The following MAP3K3 variants were observed in gnomAD, a reference collection of about 807,000 sequenced individuals.
MAP3K3 encodes the protein mitogen-activated protein kinase kinase kinase 3.
Under a neutral mutation model 80.9 loss-of-function variants are expected in MAP3K3, and 12 were observed. The observed-to-expected ratio is 0.15, with a 90% CI of 0.10 to 0.24. The LOEUF is 0.24. MAP3K3 is among the 10% of genes least tolerant of loss of function. MAP3K3 has a pLI of 1.00. For missense variants in MAP3K3, 596 were observed against 834.7 expected, an observed-to-expected ratio of 0.71 and a Z score of 3.52; for synonymous variants, 272 against 307.1, an observed-to-expected ratio of 0.89 and a Z score of 1.19.
intron 1 of MAP3K3, among the ~76,000 whole-genome samples, chr17:63,629,313 C>T (rs1436648597): frequency 1.3e-5 from 2 of 152,026 alleles, no homozygotes; most frequent in African/African-American, 2.4e-5. Context: ...TTAGTAGAGA[C>T]GGGGTTTCAC....
chr17:63,688,792 G>A lies in MAP3K3; in HGVS notation c.782G>A (p.Arg261Gln), dbSNP rs371194292. The A allele has an allele frequency of 1.9e-6, 3 of 1,612,114 alleles. No homozygotes were observed. Among genetic ancestry groups the A allele is most frequent in the Non-Finnish European group, 2.5e-6 (3 of 1,178,240 alleles). The change falls in exon 10 of 16, where the codon CGG becomes CAG. Residue 261 changes from arginine to glutamine, a missense_variant. Physicochemically the swap from Arg to Gln is conservative, Grantham distance 43. Transcript: ENST00000361733. ...FPDNRQEYSD[R>Q]ETQLYDKGVK... is the part of the protein sequence containing the mutation. ...GTGATTCCCCTGTCTTACTCAGATC[G>A]GGAAACTCAGCTTTATGACAAAGGG...
chr17:63,688,276 T>C, intron 8 of MAP3K3: 2 of 557,382 alleles, frequency 3.6e-6, no homozygotes, highest in African/African-American at 1.9e-5. Context: ...GGGAGAGGGC[T>C]GTGCAGCCAG....
chr17:63,663,862 T>A (rs1021781723), intron 5 of MAP3K3, among the ~76,000 whole-genome samples: 1 of 151,946 alleles, frequency 6.6e-6, no homozygotes, highest in Admixed American at 6.6e-5. Flanking sequence ...ACTGCACTCA[T>A]TGAGCAAGAC....
At position 63,623,385 on chromosome 17, in the gene MAP3K3, A is replaced by G. The variant is rs147450980; in HGVS notation, c.4+622A>G. On this transcript the variant is annotated intron_variant, in intron 1 of 15. Coordinates refer to ENST00000361733, the MANE Select transcript of MAP3K3 (RefSeq NM_002401.5). ...TGCTGCACGCAGATTGCTGGGGGTC[A>G]GGAGTTGGTCGGATGCTGCCAGTTA... 2.4e-3 allele frequency among the ~76,000 whole-genome samples: 361 copies of G among 152,348 alleles called. 2 individuals are homozygous for G. Among genetic ancestry groups the G allele is most frequent in the African/African-American group, 8.2e-3 (343 of 41,594 alleles).
intron 5 of MAP3K3, among the ~76,000 whole-genome samples, chr17:63,665,876 T>C (rs1484895182): frequency 6.6e-6 from 1 of 152,204 alleles, no homozygotes; most frequent in Non-Finnish European, 1.5e-5. Flanking sequence ...AGGAAACCTT[T>C]TTCCTGGAGG....
intron 6 of MAP3K3, among the ~76,000 whole-genome samples, chr17:63,673,332 A>G (rs1319554163): frequency 6.6e-6 from 1 of 152,166 alleles, no homozygotes; most frequent in African/African-American, 2.4e-5. Flanking sequence ...CATAATATGC[A>G]TACCTTGAAT....
intron 6 of MAP3K3, among the ~76,000 whole-genome samples, chr17:63,677,690 C>T (rs1306378340): frequency 6.6e-6 from 1 of 152,184 alleles, no homozygotes; most frequent in Non-Finnish European, 1.5e-5. Flanking sequence ...ATGGAGAAAA[C>T]AACTCTGAAT....
intron 3 of MAP3K3, among the ~76,000 whole-genome samples, chr17:63,652,188 C>T (rs965828063): frequency 1.3e-5 from 2 of 152,106 alleles, no homozygotes. Context: ...CTCTCTTCCC[C>T]AAGTCCCAAC....
intron 6 of MAP3K3, among the ~76,000 whole-genome samples, chr17:63,677,878 G>T (rs543634721): frequency 6.6e-6 from 1 of 152,280 alleles, no homozygotes; most frequent in Non-Finnish European, 1.5e-5. Flanking sequence ...CCCCTGTGCT[G>T]CCAGGAAGTC....
intron 2 of MAP3K3, chr17:63,637,210 A>G: frequency 4.1e-6 from 1 of 242,714 alleles, no homozygotes; most frequent in Non-Finnish European, 8.1e-6. Context: ...AAAAAAAAAA[A>G]AGAGTACTGG....
intron 1 of MAP3K3, among the ~76,000 whole-genome samples, chr17:63,624,276 T>G (rs996961628): frequency 2.0e-5 from 3 of 152,224 alleles, no homozygotes; most frequent in African/African-American, 7.2e-5. Context: ...ATCTTCGAAT[T>G]GATTTATGAG....
intron 6 of MAP3K3, among the ~76,000 whole-genome samples, chr17:63,674,746 T>G (rs1448705119): frequency 6.6e-6 from 1 of 151,922 alleles, no homozygotes; most frequent in Non-Finnish European, 1.5e-5. Context: ...GAGGAGACCA[T>G]GGGGGAGCTG....
At chr17:63,646,534 C>T (rs969882418) in intron 3 of MAP3K3, among the ~76,000 whole-genome samples, 4 of 152,118 alleles carry the variant, frequency 2.6e-5, no homozygotes, top group Non-Finnish European at 4.4e-5. Context: ...CATGATGTCT[C>T]TAGGTCATGG....
chr17:63,649,311 C>T (rs917712124), intron 3 of MAP3K3, among the ~76,000 whole-genome samples: 4 of 151,762 alleles, frequency 2.6e-5, no homozygotes, highest in Non-Finnish European at 4.4e-5. Flanking sequence ...GTGGTGCACA[C>T]CTGTAGTCCC....
intron 6 of MAP3K3, among the ~76,000 whole-genome samples, chr17:63,671,303 C>T (rs528807512): frequency 1.1e-4 from 16 of 151,352 alleles, no homozygotes; most frequent in Non-Finnish European, 2.1e-4. Context: ...GTCACCAGGC[C>T]GAAGTGCAGT....
chr17:63,660,472 CA>C (rs2034866560), intron 5 of MAP3K3, among the ~76,000 whole-genome samples: 1 of 152,086 alleles, frequency 6.6e-6, no homozygotes, highest in Admixed American at 6.6e-5. Flanking sequence ...CTCAGCCTCG[CA>C]AAGTGCTGGG....
At chr17:63,627,397 C>T (rs2034123533) in intron 1 of MAP3K3, among the ~76,000 whole-genome samples, 1 of 152,158 alleles carries the variant, frequency 6.6e-6, no homozygotes, top group Non-Finnish European at 1.5e-5. Context: ...AAGTTATAAG[C>T]ACACTATTAC....
chr17:63,690,517 C>A, intron 12 of MAP3K3, 105 bp downstream of exon 12: 1 of 1,252,382 alleles, frequency 8.0e-7, no homozygotes, highest in Non-Finnish European at 1.1e-6. Flanking sequence ...CTTCCTCTGT[C>A]ATTCTTCCCA....
chr17:63,681,794 T>C lies in MAP3K3; in HGVS notation c.531T>C (p.Pro177=). 3 of 1,530,872 alleles carry C rather than the reference T, an allele frequency of 2.0e-6. No homozygotes were observed. The highest frequency in any genetic ancestry group is 2.6e-6 in the Non-Finnish European group (3 of 1,134,116). 94.8% of individuals were successfully genotyped at this position (1,530,872 alleles called of 1,614,324 possible). ...CCCAGAACCCTGGCCGAAGCTCACC[T>C]CCCCCTGGCTATGTTCCTGAGCGGC... ...VSSQNPGRSS[P]PPGYVPERQQ... Residue 177 remains proline, a synonymous_variant, in exon 7 of 16, where the codon CCT becomes CCC. Transcript: ENST00000361733.
Sources: allele counts gnomAD v4.1 joint callset (sites outside exome capture counted in the v4.1 genomes callset), GRCh38; gene constraint gnomAD v4.1.1; transcripts MANE v1.5; gene names NCBI Gene and HGNC (gene_info 2026-07-23, HGNC 2026-07-21).